Variants in AUTS2 observed in about 807,000 individuals in gnomAD.
The protein encoded by AUTS2 is autism susceptibility gene 2 protein.
Under a neutral mutation model 112.4 loss-of-function variants are expected in AUTS2, and 17 were observed. That is an observed-to-expected ratio of 0.15 (90% CI 0.10 to 0.23). The LOEUF (loss-of-function observed/expected upper bound fraction) is 0.23. Ranked by LOEUF, AUTS2 falls within the 10% of genes least tolerant of loss-of-function variation. The pLI, the probability that AUTS2 is intolerant of heterozygous loss-of-function variation, is 1.00. For missense variants in AUTS2, 1,510 were observed against 1,701.6 expected, an observed-to-expected ratio of 0.89 and a Z score of 1.98; for synonymous variants, 751 against 702.7, an observed-to-expected ratio of 1.07 and a Z score of -1.09.
chr7:70,568,099 T>C (rs576315858), intron 5 of AUTS2, among the ~76,000 whole-genome samples: 71 of 152,344 alleles, frequency 4.7e-4, no homozygotes, highest in African/African-American at 1.6e-3. Context: ...AGATGGTCTT[T>C]TTTGTTTTCT....
chr7:70,550,359 C>T (rs1199049186), intron 5 of AUTS2, among the ~76,000 whole-genome samples: 1 of 152,152 alleles, frequency 6.6e-6, no homozygotes, highest in African/African-American at 2.4e-5. Flanking sequence ...TTCGGCACCT[C>T]TTTGGATTCT....
intron 4 of AUTS2, among the ~76,000 whole-genome samples, chr7:70,248,126 T>C (rs1332240222): frequency 1.3e-5 from 2 of 152,220 alleles, no homozygotes; most frequent in African/African-American, 2.4e-5. Context: ...TTGCTGACAT[T>C]TTACTTAGGA....
At chr7:70,605,062 G>A (rs143218174) in intron 5 of AUTS2, among the ~76,000 whole-genome samples, 16 of 152,234 alleles carry the variant, frequency 1.1e-4, no homozygotes, top group East Asian at 7.7e-4. Context: ...CATTAAGCAC[G>A]CAAATGGTCA....
intron 5 of AUTS2, among the ~76,000 whole-genome samples, chr7:70,624,695 G>A (rs1265636213): frequency 6.6e-6 from 1 of 152,140 alleles, no homozygotes; most frequent in South Asian, 2.1e-4. Context: ...GTGATGTAAG[G>A]TAGAGAAACA....
chr7:70,657,458 A>G (rs2129542398), intron 5 of AUTS2, among the ~76,000 whole-genome samples: 1 of 152,318 alleles, frequency 6.6e-6, no homozygotes, highest in Non-Finnish European at 1.5e-5. Flanking sequence ...GCAGGCCTGA[A>G]AAACAGAGAG....
At chr7:70,609,551 C>T (rs1220670043) in intron 5 of AUTS2, among the ~76,000 whole-genome samples, 7 of 151,538 alleles carry the variant, frequency 4.6e-5, no homozygotes, top group East Asian at 1.9e-4. Flanking sequence ...CCCACCACCA[C>T]GCCAAGCTAA....
chr7:69,982,802 G>A (rs1011492833), intron 2 of AUTS2, among the ~76,000 whole-genome samples: 4 of 152,298 alleles, frequency 2.6e-5, no homozygotes, highest in African/African-American at 9.6e-5. Flanking sequence ...TATAATTTGG[G>A]CACTGTACTC....
chr7:70,173,301 C>T (rs1808803242), intron 4 of AUTS2, among the ~76,000 whole-genome samples: 1 of 150,768 alleles, frequency 6.6e-6, no homozygotes, highest in African/African-American at 2.4e-5. Context: ...GCGGAGCTTG[C>T]AGTGAGCCGA....
At chr7:69,887,184 C>T (rs1353783203) in intron 1 of AUTS2, among the ~76,000 whole-genome samples, 2 of 151,732 alleles carry the variant, frequency 1.3e-5, no homozygotes, top group South Asian at 2.1e-4. Flanking sequence ...GAAGCCGAGG[C>T]GGGTGGGTCA....
chr7:70,675,547 G>A (rs1807868746), intron 5 of AUTS2, among the ~76,000 whole-genome samples: 1 of 152,186 alleles, frequency 6.6e-6, no homozygotes, highest in South Asian at 2.1e-4. Context: ...AAACTTACTG[G>A]TGTAAAGCAG....
chr7:69,605,921 T>A (rs1223888755), intron 1 of AUTS2, among the ~76,000 whole-genome samples: 1 of 152,212 alleles, frequency 6.6e-6, no homozygotes, highest in Non-Finnish European at 1.5e-5. Flanking sequence ...ACTTACTGAG[T>A]TTCATTATTT....
chr7:70,763,118 C>G lies in AUTS2; in HGVS notation c.991C>G (p.Pro331Ala). The G allele has an allele frequency of 6.2e-7, 1 of 1,614,008 alleles. No individual in the cohort carries two copies. Among genetic ancestry groups the G allele is most frequent in the Non-Finnish European group, 8.5e-7 (1 of 1,179,976 alleles). ...TGACTTGGTGCAGCGCACAGAGGCC[C>G]CACCTCAACCCCCACCTCTGAGTAC... ...DPDLVQRTEA[P>A]PQPPPLSTQP... is the part of the protein sequence containing the mutation. The change falls in exon 7 of 19, where the codon CCA (proline) becomes GCA (alanine). Residue 331 changes from proline (P) to alanine (A), a missense_variant. Pro to Ala is a conservative substitution (Grantham distance 27). This residue lies in a region of AUTS2 where 535 missense variants were observed against 594.3 expected (regional missense o/e 0.90). Transcript: ENST00000342771.
intron 4 of AUTS2, among the ~76,000 whole-genome samples, chr7:70,279,242 T>G (rs1283733124): frequency 6.6e-6 from 1 of 152,202 alleles, no homozygotes; most frequent in African/African-American, 2.4e-5. Flanking sequence ...TCTTGGACCC[T>G]TTTGTTCAAC....
intron 1 of AUTS2, among the ~76,000 whole-genome samples, chr7:69,848,591 T>G (rs2129529487): frequency 6.6e-6 from 1 of 152,278 alleles, no homozygotes; most frequent in Middle Eastern, 3.4e-3. Flanking sequence ...ACCAAAGCCA[T>G]ATGAATTAGA....
In AUTS2 at chr7:70,764,965, T is replaced by A; in HGVS notation, c.1428T>A (p.Ser476Arg). The A allele has an allele frequency of 6.2e-7, 1 of 1,612,272 alleles. No individual in the cohort carries two copies. The highest frequency in any genetic ancestry group is 8.5e-7 in the Non-Finnish European group (1 of 1,179,878). The change falls in exon 8 of 19, where the codon AGT becomes AGA. Residue 476 changes from serine to arginine, a missense_variant. Transcript: ENST00000342771. ...LPPPPPLTSG[S>R]LQVAGHPAGS... ...CTCCACCACCACTGACATCAGGAAG[T>A]CTGCAGGTGGCCGGACACCCGGCCG...
chr7:70,106,079 T>C, intron 2 of AUTS2, among the ~76,000 whole-genome samples: 1 of 152,214 alleles, frequency 6.6e-6, no homozygotes, highest in East Asian at 1.9e-4. Context: ...CACTTGCCCC[T>C]CAATCAAAAC....
intron 2 of AUTS2, among the ~76,000 whole-genome samples, chr7:69,902,866 T>A (rs1237640449): frequency 6.6e-6 from 1 of 152,230 alleles, no homozygotes; most frequent in Non-Finnish European, 1.5e-5. Context: ...AAATACATAC[T>A]GCCTTAGAAG....
chr7:70,369,112 A>G (rs1325075575), intron 4 of AUTS2, among the ~76,000 whole-genome samples: 1 of 152,212 alleles, frequency 6.6e-6, no homozygotes, highest in Non-Finnish European at 1.5e-5. Flanking sequence ...CATAGCCTAG[A>G]GAAAAGGAAA....
In AUTS2 at chr7:70,282,518, C is replaced by G. The variant is rs139179626; in HGVS notation, c.660+147947C>G. Among the ~76,000 whole-genome samples the G allele has an allele frequency of 4.9e-4, 74 of 152,216 alleles. 1 individual carries two copies. The highest frequency in any genetic ancestry group is 1.7e-3 in the African/African-American group (70 of 41,542). On this transcript the variant is annotated intron_variant, in intron 4 of 18. Transcript: ENST00000342771. ...TCCTTTACATGGTAGAAGGGGTACA[C>G]GAGCTCCTAGGGCCTTTTTTCTAAA...
Sources: gnomAD v4.1 joint callset for allele counts (sites outside exome capture counted in the v4.1 genomes callset) on GRCh38, gnomAD v4.1.1 for gene constraint, gnomAD v4.1.1 regional missense constraint, MANE v1.5 for transcripts, NCBI Gene and HGNC (gene_info 2026-07-23, HGNC 2026-07-21) for gene names.